Variants in CCDC39 observed in about 807,000 individuals in gnomAD.
CCDC39 encodes the protein coiled-coil domain-containing protein 39.
CCDC39 carries 113 observed loss-of-function variants against 121.0 expected under a neutral mutation model. The observed-to-expected ratio is 0.93, with a 90% CI of 0.80 to 1.09. The LOEUF (loss-of-function observed/expected upper bound fraction) is 1.09. CCDC39 is among the 50% of genes least tolerant of loss of function. The pLI, the probability that CCDC39 is intolerant of heterozygous loss-of-function variation, is 0.00. For missense variants in CCDC39, 1,063 were observed against 1,074.7 expected (o/e 0.99, Z 0.15); for synonymous variants, 349 against 352.2 (o/e 0.99, Z 0.10).
intron 3 of CCDC39, among the ~76,000 whole-genome samples, chr3:180,661,352 G>A (rs1249757201): frequency 2.0e-5 from 3 of 152,004 alleles, no homozygotes; most frequent in Admixed American, 2.0e-4. Flanking sequence ...AAATATGTAA[G>A]TGTATTTCCA....
At chr3:180,661,312 T>C (rs1162263816) in intron 3 of CCDC39, among the ~76,000 whole-genome samples, 1 of 152,048 alleles carries the variant, frequency 6.6e-6, no homozygotes, top group Non-Finnish European at 1.5e-5. Flanking sequence ...AATTAATAAG[T>C]ATGTAATTAT....
Position 180,660,785 on chromosome 3 carries a change from G to C in CCDC39, c.358-57C>G, listed in dbSNP as rs900372007. On this transcript the variant is annotated intron_variant, in intron 3 of 19. Transcript: ENST00000476379. ...ATTACAAAACATTACTTACTATACA[G>C]ACTAAAATAAAACATACCTTTATAT... The C allele has an allele frequency of 1.5e-5, 22 of 1,495,106 alleles. No individual in the cohort carries two copies. In the African/African-American group the frequency reaches 2.8e-4, roughly 19 times the overall value. The allele number at this position is 1,495,106 out of a possible 1,614,324, so 92.6% of individuals were successfully genotyped here. A position where few individuals can be genotyped will look rare whatever the true frequency, so the allele number is the denominator to read the frequency against.
chr3:180,652,393 T>A, intron 7 of CCDC39, 127 bp from the exon 8 acceptor site: 1 of 507,604 alleles, frequency 2.0e-6, no homozygotes, highest in Admixed American at 4.0e-5. Flanking sequence ...TAGTAGCCAT[T>A]TTTTTATATT....
In CCDC39 at chr3:180,648,303, C is replaced by T. The variant is rs1718121192; in HGVS notation, c.1224G>A (p.Glu408=). 6.2e-7 allele frequency: 1 copy of T among 1,610,282 alleles called. No individual in the cohort carries two copies. The highest frequency in any genetic ancestry group is 8.5e-7 in the Non-Finnish European group (1 of 1,178,494). ...TTTCTTTCATTGTCTCAGTCTGTAACTCCTGAGCTTTCTTAAACAGCACAC... is the reference window on the plus strand; with the variant it reads ...TTTCTTTCATTGTCTCAGTCTGTAATTCCTGAGCTTTCTTAAACAGCACAC... ...IKGVLFKKAQ[E]LQTETMKEKA... The change falls in exon 10 of 20, where the codon GAG becomes GAA. Residue 408 remains glutamate, a synonymous_variant. Coordinates refer to ENST00000476379, the MANE Select transcript of CCDC39 (RefSeq NM_181426.2).
In CCDC39 at chr3:180,647,122, T is replaced by G; in HGVS notation, c.1484A>C (p.Lys495Thr). Reference protein sequence around the residue: ...VELRKSLEEKKSTCGLLETQI... With the variant: ...VELRKSLEEKTSTCGLLETQI... ...TGTTTCCAAAAGGCCACATGTAGATTTTTTCTCTTCCAAAGACTTCCTAAG... is the reference window on the plus strand; with the variant it reads ...TGTTTCCAAAAGGCCACATGTAGATGTTTTCTCTTCCAAAGACTTCCTAAG... The change falls in exon 11 of 20, where the codon AAA (lysine) becomes ACA (threonine). Residue 495 changes from lysine (K) to threonine (T), a missense_variant. Transcript: ENST00000476379. 6.2e-7 allele frequency: 1 copy of G among 1,609,594 alleles called. No individual in the cohort carries two copies. Among genetic ancestry groups the G allele is most frequent in the South Asian group, 1.1e-5 (1 of 89,494 alleles).
At chr3:180,654,645 GA>G (rs79988820) in intron 7 of CCDC39, 116 bp downstream of exon 7, 10,272 of 443,114 alleles carry the variant, frequency 0.023, 2 homozygotes, top group East Asian at 0.041. Context: ...AAAGAAAAAG[GA>G]AAAAAAAAAA....
chr3:180,651,095 T>C (rs947663362), intron 9 of CCDC39, among the ~76,000 whole-genome samples: 1 of 151,940 alleles, frequency 6.6e-6, no homozygotes, highest in Non-Finnish European at 1.5e-5. Context: ...CTCGGGAGGC[T>C]GAGGCAGGAG....
rs758850119 is a variant in CCDC39 at position 180,659,460 on chromosome 3, A to G, written c.730T>C (p.Cys244Arg). The G allele has an allele frequency of 1.3e-4, 202 of 1,613,354 alleles. 1 individual carries two copies. Among genetic ancestry groups the G allele is most frequent in the South Asian group, 1.1e-5 (1 of 91,058 alleles). The change falls in exon 6 of 20, where the codon TGT (cysteine) becomes CGT (arginine). Residue 244 changes from cysteine to arginine, a missense_variant. By Grantham distance (180) the Cys-to-Arg change is radical. Coordinates refer to ENST00000476379, the MANE Select transcript of CCDC39 (RefSeq NM_181426.2). ...MQKRDGDIDNCALELARIKQE... is the reference protein window; with the variant it reads ...MQKRDGDIDNRALELARIKQE... ...CCAAACAACTACTTTACCAAAGCAC[A>G]GTTATCTATGTCTCCATCCCTCTTC...
chr3:180,652,391 AT>A (rs1250289730), intron 7 of CCDC39, 125 bp from the exon 8 acceptor site: 64 of 503,316 alleles, frequency 1.3e-4, no homozygotes, highest in Middle Eastern at 5.3e-4. Flanking sequence ...AGTAGTAGCC[AT>A]TTTTTTATAT....
intron 13 of CCDC39, among the ~76,000 whole-genome samples, chr3:180,634,723 C>T (rs1717785443): frequency 6.6e-6 from 1 of 152,144 alleles, no homozygotes; most frequent in African/African-American, 2.4e-5. Context: ...AGAGCAGCCA[C>T]ACAGCCAAGC....
rs951458613 is a variant in CCDC39, at chr3:180,647,120, A to T, written c.1486T>A (p.Ser496Thr). ...ELRKSLEEKKSTCGLLETQIK... is the reference protein window; with the variant it reads ...ELRKSLEEKKTTCGLLETQIK... ...TGTGTTTCCAAAAGGCCACATGTAG[A>T]TTTTTTCTCTTCCAAAGACTTCCTA... is the stretch of plus-strand genomic sequence containing the variant. The change falls in exon 11 of 20, where the codon TCT becomes ACT. Residue 496 changes from serine (S) to threonine (T), a missense_variant. Physicochemically the swap from Ser to Thr is moderately conservative, Grantham distance 58. Transcript: ENST00000476379. 30 of 1,609,340 alleles carry T rather than the reference A, an allele frequency of 1.9e-5. No individual in the cohort carries two copies. Among genetic ancestry groups the T allele is most frequent in the Non-Finnish European group, 2.3e-5 (27 of 1,178,498 alleles).
chr3:180,656,603 G>A (rs1317512796), intron 6 of CCDC39, among the ~76,000 whole-genome samples: 1 of 152,130 alleles, frequency 6.6e-6, no homozygotes, highest in Non-Finnish European at 1.5e-5. Flanking sequence ...ATAAGGCTGC[G>A]ACCTACGGGG....
At chr3:180,630,882 A>C (rs1339920895) in intron 14 of CCDC39, among the ~76,000 whole-genome samples, 2 of 152,166 alleles carry the variant, frequency 1.3e-5, no homozygotes, top group African/African-American at 4.8e-5. Flanking sequence ...AACAGCTGCC[A>C]TACCAGGACT....
Position 180,616,967 on chromosome 3 carries a change from C to A in CCDC39, c.2266-1G>T. On this transcript the variant is annotated splice_acceptor_variant, in intron 16 of 19. Transcript: ENST00000476379. LOFTEE classifies it high-confidence loss of function. ...TAACATCTAATGTATTTTCCATGCT[C>A]TGTAGAAAAAATATTAACATGTATT... 7.6e-7 allele frequency: 1 copy of A among 1,321,902 alleles called. No individual in the cohort carries two copies. Among genetic ancestry groups the A allele is most frequent in the Non-Finnish European group, 1.0e-6 (1 of 973,906 alleles). The allele number at this position is 1,321,902 out of a possible 1,614,324, so 81.9% of individuals were successfully genotyped here. A position where few individuals can be genotyped will look rare whatever the true frequency, so the allele number is the denominator to read the frequency against.
chr3:180,647,376 A>G (rs1718098356), intron 10 of CCDC39, 133 bp from the exon 11 acceptor site: 1 of 720,526 alleles, frequency 1.4e-6, no homozygotes, highest in South Asian at 2.0e-5. Flanking sequence ...TTAGTCTTTC[A>G]GTAATTCAGG....
Position 180,676,044 on chromosome 3 carries a change from G to T in CCDC39, c.90+3247C>A, listed in dbSNP as rs369388561. The stretch of plus-strand genomic sequence containing the variant: ...TAGACCTAAAACCATAAAAACCCTA[G>T]AAGAAAACCTAGGCAATACCATTCA... On this transcript the variant is annotated intron_variant, in intron 1 of 19. Transcript: ENST00000476379. Among the ~76,000 whole-genome samples, 97 of 152,182 alleles carry T rather than the reference G, an allele frequency of 6.4e-4. 1 individual carries two copies. The South Asian group carries it at 0.019, about 29-fold the overall frequency.
At chr3:180,627,112 G>C (rs1717582907) in intron 14 of CCDC39, among the ~76,000 whole-genome samples, 1 of 152,160 alleles carries the variant, frequency 6.6e-6, no homozygotes, top group South Asian at 2.1e-4. Context: ...CTGCTTATGT[G>C]TCACTTTCAC....
rs78748478 is a variant in CCDC39 at position 180,650,348 on chromosome 3, T to C, written c.1167+1053A>G. Reference sequence around the variant, plus strand: ...AGAGTATAAGGGGTTAAAGAGATAGTAGATGATAAAGAAGTACAAATCAGG... The same window carrying C: ...AGAGTATAAGGGGTTAAAGAGATAGCAGATGATAAAGAAGTACAAATCAGG... On this transcript the variant is annotated intron_variant, in intron 9 of 19. Transcript: ENST00000476379. Among the ~76,000 whole-genome samples the C allele has an allele frequency of 2.0e-3, 309 of 152,198 alleles. 1 individual carries two copies. The highest frequency in any genetic ancestry group is 6.8e-3 in the Middle Eastern group (2 of 294).
At chr3:180,649,856 A>C (rs1169084165) in intron 9 of CCDC39, among the ~76,000 whole-genome samples, 1 of 152,250 alleles carries the variant, frequency 6.6e-6, no homozygotes, top group Non-Finnish European at 1.5e-5. Flanking sequence ...GTTTCTGATA[A>C]GTACTAATAT....
Sources: allele counts gnomAD v4.1 joint callset (sites outside exome capture counted in the v4.1 genomes callset), GRCh38; gene constraint gnomAD v4.1.1; transcripts MANE v1.5; gene names NCBI Gene and HGNC (gene_info 2026-07-23, HGNC 2026-07-21).